Variants in PLA2G4A observed in about 807,000 individuals in gnomAD.
The protein encoded by PLA2G4A is phospholipase A2 group IVA.
A neutral mutation model predicts 81.9 loss-of-function variants in PLA2G4A; 40 were observed. The ratio of observed to expected loss-of-function variants is 0.49; its 90% CI spans 0.38 to 0.64. The LOEUF is 0.64. PLA2G4A is among the 30% of genes least tolerant of loss of function. The pLI is 0.00. For missense variants in PLA2G4A, 715 were observed against 905.1 expected, an observed-to-expected ratio of 0.79 and a Z score of 2.69; for synonymous variants, 302 against 296.9, an observed-to-expected ratio of 1.02 and a Z score of -0.18.
intron 1 of PLA2G4A, among the ~76,000 whole-genome samples, chr1:186,837,755 A>AAAAAG (rs1553267329): frequency 2.4e-4 from 35 of 147,420 alleles, no homozygotes; most frequent in African/African-American, 9.0e-4. Flanking sequence ...AAAAAAAAGA[A>AAAAAG]AAAGAAAAGA....
chr1:186,855,964 T>C (rs1211976369), intron 2 of PLA2G4A, among the ~76,000 whole-genome samples: 1 of 152,090 alleles, frequency 6.6e-6, no homozygotes, highest in Non-Finnish European at 1.5e-5. Flanking sequence ...TATGGCAATG[T>C]AAATCCTCCA....
chr1:186,934,443 CATATATATATATAT>C (rs71571011), intron 8 of PLA2G4A, among the ~76,000 whole-genome samples: 2 of 99,564 alleles, frequency 2.0e-5, no homozygotes, highest in Admixed American at 1.1e-4. Context: ...TAAATGTGCA[CATATATATATATAT>C]ATATATACAT....
chr1:186,924,156 C>T (rs191363772), intron 7 of PLA2G4A, among the ~76,000 whole-genome samples: 5 of 152,290 alleles, frequency 3.3e-5, no homozygotes, highest in Admixed American at 2.0e-4. Context: ...CGTCTACCTC[C>T]GTGTGGATAT....
chr1:186,853,326 C>G (rs946165818), intron 1 of PLA2G4A, among the ~76,000 whole-genome samples: 1 of 150,856 alleles, frequency 6.6e-6, no homozygotes, highest in African/African-American at 2.5e-5. Flanking sequence ...AGTGAAAAGG[C>G]CTGGAAAGAT....
In PLA2G4A at chr1:186,957,081, G is replaced by C. The variant is rs112471709; in HGVS notation, c.1579+737G>C. On this transcript the variant is annotated intron_variant, in intron 14 of 17. Transcript: ENST00000367466. ...GCACAATAATCGCTTGAACCTGGGA[G>C]GCAGACATTGCAGTGAGCCAATATT... 3.7e-3 allele frequency among the ~76,000 whole-genome samples: 544 copies of C among 147,464 alleles called. 2 individuals are homozygous for C. Among genetic ancestry groups the C allele is most frequent in the African/African-American group, 0.013 (511 of 39,494 alleles).
intron 7 of PLA2G4A, among the ~76,000 whole-genome samples, chr1:186,925,270 G>T (rs4336803): frequency 0.29 from 44,595 of 151,982 alleles, 8,633 homozygotes; most frequent in African/African-American, 0.54. Context: ...TCTGTGCCTT[G>T]TATAGAGAGG....
At chr1:186,960,483 T>C (rs1184814151) in intron 14 of PLA2G4A, among the ~76,000 whole-genome samples, 1 of 152,240 alleles carries the variant, frequency 6.6e-6, no homozygotes, top group African/African-American at 2.4e-5. Flanking sequence ...GAGGATATTC[T>C]TCCATAACGG....
chr1:186,956,365 A>C, intron 14 of PLA2G4A, 21 bp downstream of exon 14: 1 of 1,605,228 alleles, frequency 6.2e-7, no homozygotes, highest in African/African-American at 1.3e-5. Flanking sequence ...AAATATAATT[A>C]GTGGGAGCTA....
chr1:186,955,734 C>CTTT (rs59494152), intron 13 of PLA2G4A, among the ~76,000 whole-genome samples: 16,466 of 108,686 alleles, frequency 0.15, 3,665 homozygotes, highest in African/African-American at 0.46. Context: ...AAGAAGATCC[C>CTTT]TTTTTTTTTT....
intron 1 of PLA2G4A, among the ~76,000 whole-genome samples, chr1:186,848,443 G>A (rs114434540): frequency 1.3e-5 from 2 of 152,234 alleles, no homozygotes; most frequent in African/African-American, 2.4e-5. Context: ...CCTGCAACAA[G>A]CTCTACCTTG....
intron 2 of PLA2G4A, among the ~76,000 whole-genome samples, chr1:186,866,105 C>T (rs1005663745): frequency 2.0e-5 from 3 of 152,092 alleles, no homozygotes; most frequent in Non-Finnish European, 4.4e-5. Context: ...GTTGTGAATT[C>T]AGTAATATAA....
At chr1:186,855,358 A>G (rs1006345656) in intron 2 of PLA2G4A, among the ~76,000 whole-genome samples, 2 of 151,810 alleles carry the variant, frequency 1.3e-5, no homozygotes, top group Admixed American at 6.6e-5. Context: ...GCTGTTGGTT[A>G]CTTCTCAGTT....
chr1:186,959,040 C>T lies in PLA2G4A; in HGVS notation c.1579+2696C>T, dbSNP rs1007815875. On this transcript the variant is annotated intron_variant, in intron 14 of 17. Coordinates refer to ENST00000367466, the MANE Select transcript of PLA2G4A (RefSeq NM_024420.3). ...AAATTTGGCAACTTTAGGATGTATG[C>T]CTCTTCCTTTTAAACTATTTTAGAA... Among the ~76,000 whole-genome samples, 6 of 152,148 alleles carry T rather than the reference C, an allele frequency of 3.9e-5. No homozygotes were observed. The South Asian group carries it at 8.3e-4, about 21-fold the overall frequency.
chr1:186,944,140 G>A (rs1656255486), intron 10 of PLA2G4A, among the ~76,000 whole-genome samples: 1 of 152,100 alleles, frequency 6.6e-6, no homozygotes, highest in Non-Finnish European at 1.5e-5. Flanking sequence ...CGGGAAGAAG[G>A]GTGATGAGTT....
intron 15 of PLA2G4A, among the ~76,000 whole-genome samples, chr1:186,969,412 C>T (rs1168355469): frequency 1.3e-5 from 2 of 151,706 alleles, no homozygotes; most frequent in Non-Finnish European, 3.0e-5. Context: ...TAGTAACATT[C>T]CAATTCCATT....
chr1:186,935,419 T>TA (rs893522703), intron 8 of PLA2G4A, among the ~76,000 whole-genome samples: 1 of 151,396 alleles, frequency 6.6e-6, no homozygotes, highest in African/African-American at 2.4e-5. Flanking sequence ...TTTTTTTTTT[T>TA]TTCAGAATTT....
intron 17 of PLA2G4A, among the ~76,000 whole-genome samples, chr1:186,984,187 C>T (rs1657818541): frequency 1.3e-5 from 2 of 152,032 alleles, no homozygotes; most frequent in Non-Finnish European, 2.9e-5. Flanking sequence ...TGTCAGGATA[C>T]AAGGTGCTCT....
At position 186,988,667 on chromosome 1, in the gene PLA2G4A, A is replaced by G. The variant is rs1657973178; in HGVS notation, c.*159A>G. On this transcript the variant is annotated 3_prime_UTR_variant, in exon 18 of 18. Transcript: ENST00000367466. ...TTAGCTGCATGAGAATAATACTATT[A>G]TAAGTTAGGTTGACAAATGATGTTG... 4.9e-6 allele frequency: 3 copies of G among 618,524 alleles called. No individual in the cohort carries two copies. The highest frequency in any genetic ancestry group is 8.9e-6 in the Non-Finnish European group (3 of 337,140). The allele number at this position is 618,524 out of a possible 1,614,324, so 38.3% of individuals were successfully genotyped here.
At chr1:186,941,624 C>T (rs1353195834) in intron 10 of PLA2G4A, among the ~76,000 whole-genome samples, 3 of 152,086 alleles carry the variant, frequency 2.0e-5, no homozygotes, top group African/African-American at 7.2e-5. Flanking sequence ...TTCAAAAATC[C>T]TTTGTTCTTT....
Sources: gnomAD v4.1 joint callset for allele counts (sites outside exome capture counted in the v4.1 genomes callset) on GRCh38, gnomAD v4.1.1 for gene constraint, MANE v1.5 for transcripts, NCBI Gene and HGNC (gene_info 2026-07-23, HGNC 2026-07-21) for gene names.